RGS7: variants seen among roughly 807,000 people sequenced by gnomAD.
The protein encoded by RGS7 is regulator of G-protein signaling 7.
Under a neutral mutation model 81.1 loss-of-function variants are expected in RGS7, and 27 were observed. The observed-to-expected ratio is 0.33, with a 90% CI of 0.25 to 0.46. RGS7 has a LOEUF of 0.46. RGS7 is among the 20% of genes least tolerant of loss of function. RGS7 has a pLI of 1.00. For missense variants in RGS7, 396 were observed against 607.4 expected, an observed-to-expected ratio of 0.65 and a Z score of 3.66; for synonymous variants, 208 against 207.7, an observed-to-expected ratio of 1.00 and a Z score of -0.01.
intron 2 of RGS7, among the ~76,000 whole-genome samples, chr1:241,245,504 A>AG (rs2076479618): frequency 6.6e-6 from 1 of 151,958 alleles, no homozygotes; most frequent in Non-Finnish European, 1.5e-5. Context: ...AAAAAAAAAA[A>AG]AAAGAAAACG....
chr1:240,993,254 A>ATT lies in RGS7; in HGVS notation c.176-10126_176-10125insAA, dbSNP rs1558569005. 1.1e-4 allele frequency among the ~76,000 whole-genome samples: 17 copies of ATT among 151,750 alleles called. 1 individual carries two copies. Among genetic ancestry groups the ATT allele is most frequent in the Admixed American group, 3.3e-4 (5 of 15,248 alleles). On this transcript the variant is annotated intron_variant, in intron 3 of 18. Transcript: ENST00000440928. ...AGAAGGAGAAAGAAAGAGAGGAAAG[A>ATT]AAGAAAGAAAGAAAAAGAAAGAAAG...
At chr1:241,079,373 T>A (rs2063007650) in intron 3 of RGS7, among the ~76,000 whole-genome samples, 1 of 152,142 alleles carries the variant, frequency 6.6e-6, no homozygotes, top group African/African-American at 2.4e-5. Context: ...ATTCTTGTAC[T>A]CCAGGTGCTT....
At position 241,271,915 on chromosome 1, in the gene RGS7, G is replaced by A. The variant is rs1000300909; in HGVS notation, c.78+83784C>T. On this transcript the variant is annotated intron_variant, in intron 2 of 18. Transcript: ENST00000440928. This position sits in a 1 kb window ranked among gnomAD's most constrained non-coding sequence, Gnocchi z 4.6. Reference sequence around the variant, plus strand: ...TGTGTGTGTGTGTGTGTGTGTGTGTGTGTGTGTGTGTGTGTGTAGACACAC... The same window carrying A: ...TGTGTGTGTGTGTGTGTGTGTGTGTATGTGTGTGTGTGTGTGTAGACACAC... Among the ~76,000 whole-genome samples the A allele has an allele frequency of 6.6e-6, 1 of 150,916 alleles. No individual in the cohort carries two copies. Among genetic ancestry groups the A allele is most frequent in the Non-Finnish European group, 1.5e-5 (1 of 67,636 alleles).
At chr1:240,778,297 T>C (rs543266709) in intron 18 of RGS7, among the ~76,000 whole-genome samples, 51 of 152,218 alleles carry the variant, frequency 3.4e-4, no homozygotes, top group Non-Finnish European at 6.5e-4. Context: ...ATCACAAATA[T>C]TCAGTTCATA....
chr1:241,336,786 T>C lies in RGS7; in HGVS notation c.78+18913A>G, dbSNP rs1410907190. On this transcript the variant is annotated intron_variant, in intron 2 of 18. Coordinates refer to ENST00000440928, the MANE Select transcript of RGS7 (RefSeq NM_001364886.1). ...TGCTTGCATAACATTTTAACATTTA[T>C]GAAACAATTGCATGTAACTTATCAC... is the stretch of plus-strand genomic sequence containing the variant. Among the ~76,000 whole-genome samples the C allele has an allele frequency of 2.6e-5, 4 of 152,230 alleles. No individual in the cohort carries two copies. The East Asian group carries it at 7.7e-4, about 29-fold the overall frequency.
intron 2 of RGS7, among the ~76,000 whole-genome samples, chr1:241,281,388 C>A (rs1573491265): frequency 6.6e-6 from 1 of 152,232 alleles, no homozygotes; most frequent in Admixed American, 6.5e-5. Flanking sequence ...TTTGTCCCCA[C>A]ACAGCCAGTT....
chr1:241,021,509 C>A lies in RGS7; in HGVS notation c.176-38380G>T, dbSNP rs559395639. On this transcript the variant is annotated intron_variant, in intron 3 of 18. Transcript: ENST00000440928. ...TTGGTGCACAGCTATGGGCATATGG[C>A]ACAGCTTACTGGAAACACGGATTCA... Among the ~76,000 whole-genome samples the A allele has an allele frequency of 2.0e-4, 30 of 152,290 alleles. 1 individual carries two copies. Among genetic ancestry groups the A allele is most frequent in the Admixed American group, 1.8e-3 (27 of 15,286 alleles).
At chr1:241,190,988 A>ATT (rs113176654) in intron 2 of RGS7, among the ~76,000 whole-genome samples, 81 of 143,958 alleles carry the variant, frequency 5.6e-4, no homozygotes, top group African/African-American at 1.7e-3. Flanking sequence ...CGCTATTGCC[A>ATT]TTTTTTTTTT....
chr1:240,937,589 ATG>A (rs1676859810), intron 4 of RGS7, among the ~76,000 whole-genome samples: 1 of 152,184 alleles, frequency 6.6e-6, no homozygotes, highest in South Asian at 2.1e-4. Context: ...CATTTTATAG[ATG>A]TGTGTTGGCC....
intron 2 of RGS7, among the ~76,000 whole-genome samples, chr1:241,216,024 C>T (rs71648645): frequency 0.16 from 25,082 of 152,114 alleles, 2,370 homozygotes; most frequent in Admixed American, 0.24. Context: ...GTCATCCCAG[C>T]ACTTTGGGAG....
chr1:241,070,816 C>T (rs1384515235), intron 3 of RGS7, among the ~76,000 whole-genome samples: 1 of 152,140 alleles, frequency 6.6e-6, no homozygotes, highest in Non-Finnish European at 1.5e-5. Flanking sequence ...GTGGGAGGCG[C>T]CCTGTCTGGA....
intron 9 of RGS7, among the ~76,000 whole-genome samples, chr1:240,840,675 T>C (rs1657780834): frequency 1.3e-5 from 2 of 152,246 alleles, no homozygotes; most frequent in South Asian, 2.1e-4. Context: ...CTTGCTTTTA[T>C]TTTTATCATA....
At chr1:241,248,350 A>G (rs2076653140) in intron 2 of RGS7, among the ~76,000 whole-genome samples, 1 of 148,214 alleles carries the variant, frequency 6.7e-6, no homozygotes, top group Admixed American at 6.8e-5. Context: ...GTAGATATAT[A>G]TACATATATA....
intron 2 of RGS7, among the ~76,000 whole-genome samples, chr1:241,226,829 C>A (rs926116848): frequency 6.6e-6 from 1 of 152,200 alleles, no homozygotes; most frequent in Non-Finnish European, 1.5e-5. Flanking sequence ...ATTCTCCACA[C>A]AGGTGTTTTG....
At chr1:240,956,322 A>G (rs1680407116) in intron 4 of RGS7, among the ~76,000 whole-genome samples, 2 of 151,940 alleles carry the variant, frequency 1.3e-5, no homozygotes, top group African/African-American at 2.4e-5. Context: ...AAAAAAAAAA[A>G]TTGAATTAAG....
Position 241,221,042 on chromosome 1 carries a change from A to G in RGS7, c.79-122280T>C, listed in dbSNP as rs368715055. 3.6e-4 allele frequency among the ~76,000 whole-genome samples: 29 copies of G among 79,758 alleles called. No individual in the cohort carries two copies. The East Asian group carries it at 7.5e-3, about 21-fold the overall frequency. The allele number at this position is 79,758 out of a possible 152,430, so 52.3% of individuals were successfully genotyped here. On this transcript the variant is annotated intron_variant, in intron 2 of 18. Coordinates refer to ENST00000440928, the MANE Select transcript of RGS7 (RefSeq NM_001364886.1). ...GGAAGGAAGGAAGGAAGGAAGGAAA[A>G]GAAAGAAAGAAAGAAAGAGAGAGAG... is the stretch of plus-strand genomic sequence containing the variant.
chr1:240,952,127 G>A (rs1219899289), intron 4 of RGS7, among the ~76,000 whole-genome samples: 1 of 151,978 alleles, frequency 6.6e-6, no homozygotes. Context: ...TGCCAGAAAG[G>A]TTACAAAGAA....
intron 2 of RGS7, among the ~76,000 whole-genome samples, chr1:241,201,265 A>T (rs2073475899): frequency 6.6e-6 from 1 of 152,192 alleles, no homozygotes; most frequent in Non-Finnish European, 1.5e-5. Context: ...CATGGATCTA[A>T]TTTCTGCAAT....
intron 10 of RGS7, among the ~76,000 whole-genome samples, chr1:240,823,620 G>T (rs1313520036): frequency 6.6e-6 from 1 of 152,172 alleles, no homozygotes; most frequent in East Asian, 1.9e-4. Flanking sequence ...GTGGGTCCCT[G>T]AGGCAACCAA....
Sources: gnomAD v4.1 joint callset for allele counts (sites outside exome capture counted in the v4.1 genomes callset) on GRCh38, gnomAD v4.1.1 for gene constraint, Gnocchi (gnomAD v3.1) non-coding constraint, MANE v1.5 for transcripts, NCBI Gene and HGNC (gene_info 2026-07-23, HGNC 2026-07-21) for gene names.